Variants in POLR3D observed in about 807,000 individuals in gnomAD.
The protein encoded by POLR3D is RNA polymerase III subunit D.
A neutral mutation model predicts 44.5 loss-of-function variants in POLR3D; 42 were observed. The ratio of observed to expected loss-of-function variants is 0.94; its 90% confidence interval spans 0.74 to 1.22. The LOEUF is 1.22. POLR3D is among the 50% of genes most tolerant of loss of function. The probability of loss-of-function intolerance (pLI) is 0.00; values close to 1 mark genes in which losing one functional copy is unlikely to be tolerated. For missense variants in POLR3D, 507 were observed against 505.2 expected (o/e 1.00, Z -0.03); for synonymous variants, 217 against 198.1 (o/e 1.10, Z -0.80).
At chr8:22,248,940 C>A in intron 6 of POLR3D, 104 bp from the exon 7 acceptor site, 2 of 1,337,910 alleles carry the variant, frequency 1.5e-6, no homozygotes, top group Admixed American at 1.8e-5. Context: ...CTTCCCACTC[C>A]CTGGCTGAGT....
rs961081123 is a variant in POLR3D at position 22,253,658 on chromosome 8, A to G, written c.*3140A>G. On this transcript the variant is annotated 3_prime_UTR_variant, in exon 9 of 9. Coordinates refer to ENST00000306433, the MANE Select transcript of POLR3D (RefSeq NM_001722.3). ...ATTTTATTTTAGATTCAGCAGGTACATGAGCATGTTAGTTTTGTTTTGTTT... is the reference window on the plus strand; with the variant it reads ...ATTTTATTTTAGATTCAGCAGGTACGTGAGCATGTTAGTTTTGTTTTGTTT... The G allele has an allele frequency of 6.6e-6, 1 of 152,186 alleles. No individual in the cohort carries two copies. The highest frequency in any genetic ancestry group is 1.5e-5 in the Non-Finnish European group (1 of 68,034). 9.4% of individuals were successfully genotyped at this position (152,186 alleles called of 1,614,324 possible). A position where few individuals can be genotyped will look rare whatever the true frequency, so the allele number is the denominator to read the frequency against.
rs776329380 is a variant in POLR3D, at chr8:22,249,254, C to A, written c.866C>A (p.Thr289Lys). ...ACCCAGGACATCAAGCCTATCAAGACAGAGGTGCAGGGCGAGGACGGACAG... is the reference window on the plus strand; with the variant it reads ...ACCCAGGACATCAAGCCTATCAAGAAAGAGGTGCAGGGCGAGGACGGACAG... ...PPTQDIKPIK[T>K]EVQGEDGQVV... Residue 289 changes from threonine to lysine, a missense_variant, in exon 7 of 9, where the codon ACA (threonine) becomes AAA (lysine). Coordinates refer to ENST00000306433, the MANE Select transcript of POLR3D (RefSeq NM_001722.3). 3.1e-6 allele frequency: 5 copies of A among 1,614,076 alleles called. No homozygotes were observed. Among genetic ancestry groups the A allele is most frequent in the Non-Finnish European group, 4.2e-6 (5 of 1,180,024 alleles).
chr8:22,247,841 C>G lies in POLR3D; in HGVS notation c.210-16C>G, dbSNP rs370412352. 1 of 1,611,490 alleles carries G rather than the reference C, an allele frequency of 6.2e-7. No homozygotes were observed. The highest frequency in any genetic ancestry group is 1.3e-5 in the African/African-American group (1 of 74,898). On this transcript the variant is annotated splice_polypyrimidine_tract_variant and intron_variant, in intron 3 of 8. Transcript: ENST00000306433. ...CAGTGAGTGAGTGGTTTCCCTTAAT[C>G]CATTCTTTTTTCCAGGCCCAAGGAA...
rs1237051741 is a variant in POLR3D, at chr8:22,247,226, C to G, written c.171C>G (p.Thr57=). 6.2e-7 allele frequency: 1 copy of G among 1,612,848 alleles called. No homozygotes were observed. The highest frequency in any genetic ancestry group is 2.2e-5 in the East Asian group (1 of 44,848). ...DLTLGGVKKK[T]FTPNIISRKI... is the part of the protein sequence containing the mutation. ...CTCCTGTATTTTGCTTTCAGAAAACCTTCACCCCAAATATCATCAGTCGGA... is the reference window on the plus strand; with the variant it reads ...CTCCTGTATTTTGCTTTCAGAAAACGTTCACCCCAAATATCATCAGTCGGA... Residue 57 remains threonine (T), a synonymous_variant, in exon 3 of 9, where the codon ACC becomes ACG. Coordinates refer to ENST00000306433, the MANE Select transcript of POLR3D (RefSeq NM_001722.3).
chr8:22,250,356 CGTGGTGGTGGTTCTCATCACT>C lies in POLR3D; in HGVS notation c.1075-37_1075-17del. On this transcript the variant is annotated intron_variant, in intron 8 of 8. Transcript: ENST00000306433. ...CATTCACAGCTCTACACGCCGGGCA[CGTGGTGGTGGTTCTCATCACT>C]GTCTCTGTTAATTGGCAGGAGCTGG... The C allele has an allele frequency of 6.2e-7, 1 of 1,613,618 alleles. No homozygotes were observed. The highest frequency in any genetic ancestry group is 8.5e-7 in the Non-Finnish European group (1 of 1,179,714).
At chr8:22,246,429 C>T (rs976033547) in intron 2 of POLR3D, among the ~76,000 whole-genome samples, 3 of 150,720 alleles carry the variant, frequency 2.0e-5, no homozygotes, top group African/African-American at 4.9e-5. Context: ...CGCTCCTGGC[C>T]GAATAAAGCG....
At chr8:22,246,051 A>G (rs974254926) in intron 2 of POLR3D, among the ~76,000 whole-genome samples, 31 of 152,224 alleles carry the variant, frequency 2.0e-4, no homozygotes, top group African/African-American at 7.2e-4. Context: ...TCCCATGTGT[A>G]TATGACTGTG....
chr8:22,249,449 A>G, intron 7 of POLR3D, 140 bp downstream of exon 7: 2 of 851,342 alleles, frequency 2.3e-6, no homozygotes, highest in Middle Eastern at 3.6e-4. Flanking sequence ...TGCAAGAGCC[A>G]TGGGGCTTTG....
At chr8:22,247,659 A>G (rs1435710902) in intron 3 of POLR3D, among the ~76,000 whole-genome samples, 198 bp from the exon 4 acceptor site, 1 of 152,214 alleles carries the variant, frequency 6.6e-6, no homozygotes, top group East Asian at 1.9e-4. Context: ...AAGAAGGTAA[A>G]GTAAAGCAAA....
chr8:22,247,778 G>A (rs1830057486), intron 3 of POLR3D, 79 bp from the exon 4 acceptor site: 3 of 1,335,584 alleles, frequency 2.2e-6, no homozygotes, highest in Admixed American at 4.0e-5. Context: ...GTTTTGGAGT[G>A]AAGTGGTATG....
chr8:22,247,508 A>T (rs1830055646), intron 3 of POLR3D, among the ~76,000 whole-genome samples: 1 of 152,252 alleles, frequency 6.6e-6, no homozygotes, highest in Non-Finnish European at 1.5e-5. Flanking sequence ...TGCTGGCAGT[A>T]GAATGGAGTG....
Position 22,249,213 on chromosome 8 carries a change from C to G in POLR3D, c.825C>G (p.Leu275=). 1 of 1,614,072 alleles carries G rather than the reference C, an allele frequency of 6.2e-7. No homozygotes were observed. The highest frequency in any genetic ancestry group is 8.5e-7 in the Non-Finnish European group (1 of 1,179,990). ...ELLFLQLPDT[L]PGQPPTQDIK... is the part of the protein sequence containing the mutation. ...TGTTTCTGCAGCTGCCAGACACCCT[C>G]CCTGGCCAGCCACCCACCCAGGACA... Residue 275 remains leucine, a synonymous_variant, in exon 7 of 9, where the codon CTC becomes CTG. Coordinates refer to ENST00000306433, the MANE Select transcript of POLR3D (RefSeq NM_001722.3).
At position 22,248,320 on chromosome 8, in the gene POLR3D, G is replaced by A. The variant is rs371287608; in HGVS notation, c.486+42G>A. 1.8e-4 allele frequency: 294 copies of A among 1,604,902 alleles called. 1 individual carries two copies. In the East Asian group the frequency reaches 4.9e-3, roughly 27 times the overall value. Reference sequence around the variant, plus strand: ...TGGGGGAAGGGGTTTCCTTGTGGCTGTAGAACAGGGCTTCTGGGGAGCCAG... The same window carrying A: ...TGGGGGAAGGGGTTTCCTTGTGGCTATAGAACAGGGCTTCTGGGGAGCCAG... On this transcript the variant is annotated intron_variant, in intron 5 of 8. Coordinates refer to ENST00000306433, the MANE Select transcript of POLR3D (RefSeq NM_001722.3).
At chr8:22,249,981 T>C in intron 7 of POLR3D, 94 bp from the exon 8 acceptor site, 1 of 1,429,230 alleles carries the variant, frequency 7.0e-7, no homozygotes, top group Non-Finnish European at 9.7e-7. Context: ...TTTTGACCTT[T>C]GCTGTGCCTT....
intron 7 of POLR3D, 65 bp from the exon 8 acceptor site, chr8:22,250,010 G>C: frequency 6.3e-7 from 1 of 1,576,786 alleles, no homozygotes; most frequent in Non-Finnish European, 8.7e-7. Context: ...GGAGTAGAAG[G>C]GGGTTCATGA....
rs369533878 is a variant in POLR3D, at chr8:22,248,469, T to G, written c.487-12T>G. 49 of 1,612,654 alleles carry G rather than the reference T, an allele frequency of 3.0e-5. No homozygotes were observed. The highest frequency in any genetic ancestry group is 3.8e-5 in the Non-Finnish European group (45 of 1,179,286). Reference sequence around the variant, plus strand: ...TGCTAGCAGGCTGGATGACCCAGACTCTCTTTGGCAGTTCCTCGATGACCC... The same window carrying G: ...TGCTAGCAGGCTGGATGACCCAGACGCTCTTTGGCAGTTCCTCGATGACCC... On this transcript the variant is annotated splice_polypyrimidine_tract_variant and intron_variant, in intron 5 of 8. Transcript: ENST00000306433.
chr8:22,245,608 C>A lies in POLR3D; in HGVS notation c.159C>A (p.Val53=). The part of the protein sequence containing the change: ...IRSRDLTLGG[V]KKKTFTPNII... Reference sequence around the variant, plus strand: ...CCAGGGACCTCACCCTCGGGGGAGTCAAGAAGGTACCCAACGGCGCGTTTC... The same window carrying A: ...CCAGGGACCTCACCCTCGGGGGAGTAAAGAAGGTACCCAACGGCGCGTTTC... The change falls in exon 2 of 9, where the codon GTC becomes GTA. Residue 53 remains valine, a synonymous_variant. Transcript: ENST00000306433. 1 of 1,255,772 alleles carries A rather than the reference C, an allele frequency of 8.0e-7. No homozygotes were observed. Among genetic ancestry groups the A allele is most frequent in the South Asian group, 3.9e-5 (1 of 25,426 alleles). 77.8% of individuals were successfully genotyped at this position (1,255,772 alleles called of 1,614,324 possible).
chr8:22,246,180 T>C (rs890731451), intron 2 of POLR3D, among the ~76,000 whole-genome samples: 1 of 152,172 alleles, frequency 6.6e-6, no homozygotes, highest in Non-Finnish European at 1.5e-5. Context: ...CAGGCTGGAG[T>C]GCAATGGCAC....
rs1335249686 is a variant in POLR3D at position 22,245,214 on chromosome 8, G to A, written c.-6+31G>A. On this transcript the variant is annotated intron_variant, in intron 1 of 8. Coordinates refer to ENST00000306433, the MANE Select transcript of POLR3D (RefSeq NM_001722.3). ...GTTGTGACGCGCGGTGTGGAGCCGC[G>A]GCCCGGGTGCGTCCCTGTCTGGTTC... 4 of 562,142 alleles carry A rather than the reference G, an allele frequency of 7.1e-6. No individual in the cohort carries two copies. In the African/African-American group the frequency reaches 7.7e-5, roughly 11 times the overall value. The allele number at this position is 562,142 out of a possible 1,614,324, so 34.8% of individuals were successfully genotyped here. A position where few individuals can be genotyped will look rare whatever the true frequency, so the allele number is the denominator to read the frequency against.
Sources: gnomAD v4.1 joint callset for allele counts (sites outside exome capture counted in the v4.1 genomes callset) on GRCh38, gnomAD v4.1.1 for gene constraint, MANE v1.5 for transcripts, NCBI Gene and HGNC (gene_info 2026-07-23, HGNC 2026-07-21) for gene names.